Variants in VPS13B observed in about 807,000 individuals in gnomAD.
VPS13B encodes the protein vacuolar protein sorting 13 homolog B, also known as intermembrane lipid transfer protein VPS13B.
VPS13B carries 285 observed loss-of-function variants against 426.4 expected under a neutral mutation model. The observed-to-expected ratio is 0.67, with a 90% CI of 0.61 to 0.74. The LOEUF (loss-of-function observed/expected upper bound fraction) is 0.74. VPS13B is among the 30% of genes least tolerant of loss of function. The pLI is 0.00. For synonymous variants in VPS13B, 1,676 were observed against 1,676.4 expected, an observed-to-expected ratio of 1.00 and a Z score of 0.01; for missense variants, 4,537 against 4,782.6, an observed-to-expected ratio of 0.95 and a Z score of 1.51.
At chr8:99,113,959 T>C (rs1289930959) in intron 6 of VPS13B, among the ~76,000 whole-genome samples, 1 of 152,128 alleles carries the variant, frequency 6.6e-6, no homozygotes, top group Non-Finnish European at 1.5e-5. Context: ...TTGTGTGAGA[T>C]ACATACGTTC....
chr8:99,853,841 A>C lies in VPS13B; in HGVS notation c.10452A>C (p.Leu3484Phe), dbSNP rs758756697. The stretch of plus-strand genomic sequence containing the variant: ...GTTTTATCAAACTTTGCATCACCTT[A>C]AATGAAGGCAAGAGCATCCTCTGTG... ...EKCFIKLCIT[L>F]NEGKSILCDI... Residue 3484 changes from leucine (L) to phenylalanine (F), a missense_variant, in exon 56 of 62, where the codon TTA becomes TTC. Coordinates refer to ENST00000357162, the MANE Select transcript of VPS13B (RefSeq NM_152564.5). 1 of 1,614,248 alleles carries C rather than the reference A, an allele frequency of 6.2e-7. No homozygotes were observed. Among genetic ancestry groups the C allele is most frequent in the South Asian group, 1.1e-5 (1 of 91,088 alleles).
intron 19 of VPS13B, among the ~76,000 whole-genome samples, chr8:99,307,017 A>G (rs1022941158): frequency 3.9e-5 from 6 of 152,122 alleles, no homozygotes; most frequent in African/African-American, 1.4e-4. Flanking sequence ...TTAAACAAGT[A>G]TTACTACATG....
chr8:99,425,894 CTGTTTTT>C (rs910932153), intron 21 of VPS13B, among the ~76,000 whole-genome samples: 110 of 152,104 alleles, frequency 7.2e-4, no homozygotes, highest in African/African-American at 2.3e-3. Flanking sequence ...CACAAGCATT[CTGTTTTT>C]TGTTTTTTGT....
At chr8:99,536,948 G>C in intron 30 of VPS13B, 2 of 396,172 alleles carry the variant, frequency 5.0e-6, no homozygotes, top group Admixed American at 6.8e-5. Context: ...TTCGATGATA[G>C]AACTTATATT....
chr8:99,106,528 C>T (rs1296271420), intron 5 of VPS13B, among the ~76,000 whole-genome samples: 3 of 151,428 alleles, frequency 2.0e-5, no homozygotes, highest in Non-Finnish European at 2.9e-5. Context: ...CTCTTGTAAC[C>T]ACCACCAAGC....
At chr8:99,873,653 A>C (rs944045961) in intron 61 of VPS13B, among the ~76,000 whole-genome samples, 1 of 152,108 alleles carries the variant, frequency 6.6e-6, no homozygotes, top group African/African-American at 2.4e-5. Context: ...TGCTGCCTTA[A>C]TCCTATGTCT....
intron 35 of VPS13B, among the ~76,000 whole-genome samples, chr8:99,671,040 AATTG>A (rs1204265806): frequency 6.6e-6 from 1 of 152,188 alleles, no homozygotes; most frequent in African/African-American, 2.4e-5. Flanking sequence ...TTATATTTTT[AATTG>A]ATTGAGGAAT....
intron 17 of VPS13B, among the ~76,000 whole-genome samples, chr8:99,208,632 A>G (rs972886316): frequency 4.6e-5 from 7 of 152,186 alleles, no homozygotes; most frequent in African/African-American, 9.6e-5. Flanking sequence ...TATTTTGCAT[A>G]AAGTGAATAC....
chr8:99,676,545 C>T (rs566172911), intron 35 of VPS13B, among the ~76,000 whole-genome samples: 9 of 151,716 alleles, frequency 5.9e-5, no homozygotes, highest in South Asian at 4.2e-4. Context: ...CCCAAGCAGA[C>T]GGTGTCTCTC....
chr8:99,127,948 G>C (rs1039840109), intron 8 of VPS13B, among the ~76,000 whole-genome samples: 2 of 152,046 alleles, frequency 1.3e-5, no homozygotes, highest in African/African-American at 4.8e-5. Flanking sequence ...TATTCAGTCT[G>C]TTAGGACATG....
chr8:99,819,031 T>C (rs1203194514), intron 47 of VPS13B, 143 bp downstream of exon 47: 18 of 872,996 alleles, frequency 2.1e-5, no homozygotes, highest in East Asian at 1.3e-4. Context: ...TCTTATCTTA[T>C]GAGAATGTTA....
At chr8:99,238,184 T>C (rs1816739260) in intron 17 of VPS13B, among the ~76,000 whole-genome samples, 1 of 152,140 alleles carries the variant, frequency 6.6e-6, no homozygotes, top group South Asian at 2.1e-4. Context: ...ATACTTCCAC[T>C]GTCATAGTAC....
At chr8:99,473,045 C>T (rs1819495241) in intron 24 of VPS13B, among the ~76,000 whole-genome samples, 1 of 151,944 alleles carries the variant, frequency 6.6e-6, no homozygotes, top group South Asian at 2.1e-4. Flanking sequence ...GAGAAAACTT[C>T]CAATCTAGAT....
rs191693104 is a variant in VPS13B, at chr8:99,250,962, T to C, written c.2516-23236T>C. 3.9e-3 allele frequency among the ~76,000 whole-genome samples: 590 copies of C among 152,294 alleles called. 4 individuals are homozygous for C. The highest frequency in any genetic ancestry group is 4.8e-3 in the Non-Finnish European group (328 of 68,016). On this transcript the variant is annotated intron_variant, in intron 17 of 61. Coordinates refer to ENST00000357162, the MANE Select transcript of VPS13B (RefSeq NM_152564.5). ...CATTTTCATTTTCAGTATTCACATATATTCATTGAGAAATTGATAATTTCT... is the reference window on the plus strand; with the variant it reads ...CATTTTCATTTTCAGTATTCACATACATTCATTGAGAAATTGATAATTTCT...
intron 17 of VPS13B, among the ~76,000 whole-genome samples, chr8:99,244,658 G>A (rs763501943): frequency 6.6e-6 from 1 of 152,158 alleles, no homozygotes; most frequent in Non-Finnish European, 1.5e-5. Flanking sequence ...CTGTAAAATA[G>A]TCATATTTTA....
chr8:99,148,871 A>C (rs1172274682), intron 14 of VPS13B, among the ~76,000 whole-genome samples: 1 of 152,262 alleles, frequency 6.6e-6, no homozygotes, highest in East Asian at 1.9e-4. Flanking sequence ...GCAGCTAAGC[A>C]GTGGTGTAGC....
At chr8:99,653,545 T>A (rs988058234) in intron 34 of VPS13B, among the ~76,000 whole-genome samples, 3 of 152,018 alleles carry the variant, frequency 2.0e-5, no homozygotes, top group African/African-American at 7.2e-5. Context: ...CACATTAGAA[T>A]TTAATATGAA....
At chr8:99,397,976 G>A (rs1440967321) in intron 21 of VPS13B, among the ~76,000 whole-genome samples, 1 of 152,164 alleles carries the variant, frequency 6.6e-6, no homozygotes, top group Non-Finnish European at 1.5e-5. Flanking sequence ...AGGGAGAGTG[G>A]ATAGTAGAGA....
At chr8:99,839,933 C>A (rs537927184) in intron 54 of VPS13B, among the ~76,000 whole-genome samples, 20 of 152,300 alleles carry the variant, frequency 1.3e-4, no homozygotes, top group African/African-American at 4.8e-4. Context: ...TTGTTTATTT[C>A]CCCTCAAATA....
Sources: allele counts gnomAD v4.1 joint callset (sites outside exome capture counted in the v4.1 genomes callset), GRCh38; gene constraint gnomAD v4.1.1; transcripts MANE v1.5; gene names NCBI Gene and HGNC (gene_info 2026-07-23, HGNC 2026-07-21).